The following GRK5 variants were observed in gnomAD, a reference collection of about 807,000 sequenced individuals.
GRK5 encodes the protein g protein-coupled receptor kinase GRK5.
In GRK5, 40 loss-of-function variants were observed where a neutral mutation model predicts 78.4. The ratio of observed to expected loss-of-function variants is 0.51; its 90% confidence interval spans 0.40 to 0.66. The LOEUF is 0.66. GRK5 is among the 30% of genes least tolerant of loss of function. The probability of loss-of-function intolerance (pLI) is 0.00; values close to 1 mark genes in which losing one functional copy is unlikely to be tolerated. For missense variants in GRK5, 598 were observed against 759.9 expected (o/e 0.79, Z 2.50); for synonymous variants, 289 against 296.8 (o/e 0.97, Z 0.27).
At chr10:119,436,425 G>C (rs908595767) in intron 8 of GRK5, among the ~76,000 whole-genome samples, 4 of 152,240 alleles carry the variant, frequency 2.6e-5, no homozygotes, top group African/African-American at 7.2e-5. Flanking sequence ...GCCCTAACCC[G>C]CCTTGGCCTT....
chr10:119,297,082 G>A (rs1000936306), intron 1 of GRK5, among the ~76,000 whole-genome samples: 5 of 152,244 alleles, frequency 3.3e-5, no homozygotes, highest in Non-Finnish European at 5.9e-5. Context: ...GGGATTTGGT[G>A]TCATTAAGGG....
Position 119,343,768 on chromosome 10 carries a change from A to G in GRK5, c.148+17157A>G, listed in dbSNP as rs185725931. 7.2e-5 allele frequency among the ~76,000 whole-genome samples: 11 copies of G among 152,328 alleles called. No homozygotes were observed. In the East Asian group the frequency reaches 7.7e-4, roughly 11 times the overall value. ...CCCGCAGATAGTAGGGATCCATTGA[A>G]TGTTCATCTCTGATAGCCGCTGTCT... On this transcript the variant is annotated intron_variant, in intron 2 of 15. Transcript: ENST00000392870.
At chr10:119,427,356 G>C (rs1400873589) in intron 6 of GRK5, among the ~76,000 whole-genome samples, 1 of 128,252 alleles carries the variant, frequency 7.8e-6, no homozygotes, top group African/African-American at 2.9e-5. Flanking sequence ...ACCATCATCA[G>C]CATCATCACC....
At chr10:119,214,813 G>A (rs1006426623) in intron 1 of GRK5, among the ~76,000 whole-genome samples, 3 of 152,312 alleles carry the variant, frequency 2.0e-5, no homozygotes, top group Admixed American at 2.0e-4. Context: ...GAGCCACCAC[G>A]CCCGGCCAAC....
chr10:119,445,147 C>T lies in GRK5; in HGVS notation c.1266+1395C>T, dbSNP rs1279205737. ...GCCTCAGAGAAAGCCACATGGTCATCGCAGCCAGGGCTAGGGTGGGGGGAC... is the reference window on the plus strand; with the variant it reads ...GCCTCAGAGAAAGCCACATGGTCATTGCAGCCAGGGCTAGGGTGGGGGGAC... On this transcript the variant is annotated intron_variant, in intron 12 of 15. Coordinates refer to ENST00000392870, the MANE Select transcript of GRK5 (RefSeq NM_005308.3). The surrounding 1 kb of genome is among the most constrained non-coding windows in gnomAD (Gnocchi z 4.1). Among the ~76,000 whole-genome samples the T allele has an allele frequency of 2.6e-5, 4 of 152,150 alleles. No individual in the cohort carries two copies. The highest frequency in any genetic ancestry group is 7.2e-5 in the African/African-American group (3 of 41,430).
At chr10:119,429,363 A>G (rs1261996826) in intron 6 of GRK5, among the ~76,000 whole-genome samples, 1 of 956 alleles carries the variant, frequency 1.0e-3, no homozygotes, top group Non-Finnish European at 0.021. Context: ...TCTTTGGCCC[A>G]GTTCTGCTCG....
chr10:119,356,674 C>T (rs1851266782), intron 2 of GRK5, among the ~76,000 whole-genome samples: 1 of 152,124 alleles, frequency 6.6e-6, no homozygotes, highest in African/African-American at 2.4e-5. Context: ...CATGTGTGCC[C>T]CAGAACCATC....
intron 3 of GRK5, among the ~76,000 whole-genome samples, chr10:119,391,462 T>C (rs1851886849): frequency 6.6e-6 from 1 of 152,198 alleles, no homozygotes; most frequent in African/African-American, 2.4e-5. Context: ...AGGAGTTTAA[T>C]GAGGGCCTAT....
Position 119,267,864 on chromosome 10 carries a change from C to T in GRK5, c.53-58652C>T, listed in dbSNP as rs1248089902. Among the ~76,000 whole-genome samples the T allele has an allele frequency of 6.6e-6, 1 of 152,172 alleles. No homozygotes were observed. Among genetic ancestry groups the T allele is most frequent in the African/African-American group, 2.4e-5 (1 of 41,432 alleles). On this transcript the variant is annotated intron_variant, in intron 1 of 15. Coordinates refer to ENST00000392870, the MANE Select transcript of GRK5 (RefSeq NM_005308.3). The surrounding 1 kb of genome is among the most constrained non-coding windows in gnomAD (Gnocchi z 4.1). ...CCCAGCTCCTCCACACTCCCCACCC[C>T]CCACAGCCCAGCCAGGTCCAAAACC... is the stretch of plus-strand genomic sequence containing the variant.
At chr10:119,327,981 C>A (rs1275920012) in intron 2 of GRK5, among the ~76,000 whole-genome samples, 2 of 152,214 alleles carry the variant, frequency 1.3e-5, no homozygotes, top group African/African-American at 2.4e-5. Flanking sequence ...CTCTGCTGGC[C>A]ACATGACAAG....
intron 12 of GRK5, among the ~76,000 whole-genome samples, chr10:119,446,411 C>T (rs1393270998): frequency 2.6e-5 from 4 of 152,246 alleles, no homozygotes; most frequent in African/African-American, 9.6e-5. Context: ...GCCCCAGGCC[C>T]TGGCTGCCGT....
intron 10 of GRK5, 129 bp from the exon 11 acceptor site, chr10:119,441,870 T>C: frequency 2.9e-6 from 2 of 683,782 alleles, no homozygotes; most frequent in South Asian, 1.7e-5. Flanking sequence ...AGATGGCAGA[T>C]TGGGGTCCCT....
At chr10:119,359,462 C>A (rs541132080) in intron 2 of GRK5, among the ~76,000 whole-genome samples, 1 of 152,124 alleles carries the variant, frequency 6.6e-6, no homozygotes, top group Non-Finnish European at 1.5e-5. Flanking sequence ...CCAGGTCATT[C>A]GTGTGGAAGG....
In GRK5 at chr10:119,395,890, C is replaced by G. The variant is rs909782826; in HGVS notation, c.262-805C>G. On this transcript the variant is annotated intron_variant, in intron 3 of 15. Transcript: ENST00000392870. ...CAAGTCCCTTCCCACCGCCGGCCCTCGGGATCTCCACCTACAGACGAGGGG... is the reference window on the plus strand; with the variant it reads ...CAAGTCCCTTCCCACCGCCGGCCCTGGGGATCTCCACCTACAGACGAGGGG... Among the ~76,000 whole-genome samples the G allele has an allele frequency of 3.9e-5, 6 of 152,146 alleles. No homozygotes were observed. In the South Asian group the frequency reaches 1.2e-3, roughly 32 times the overall value.
chr10:119,226,832 G>T (rs980725119), intron 1 of GRK5, among the ~76,000 whole-genome samples: 1 of 151,664 alleles, frequency 6.6e-6, no homozygotes, highest in African/African-American at 2.4e-5. Context: ...AAAGTGCTGG[G>T]ATTACAGGTA....
intron 1 of GRK5, among the ~76,000 whole-genome samples, chr10:119,325,025 A>T (rs1038777523): frequency 6.6e-6 from 1 of 152,166 alleles, no homozygotes; most frequent in Non-Finnish European, 1.5e-5. Flanking sequence ...ATGCAATGAG[A>T]GGAGAGGAGA....
chr10:119,436,051 C>T (rs1213560018), intron 8 of GRK5, among the ~76,000 whole-genome samples: 1 of 152,178 alleles, frequency 6.6e-6, no homozygotes, highest in Non-Finnish European at 1.5e-5. Flanking sequence ...AGAAACTGCC[C>T]CCATGAGTCA....
intron 13 of GRK5, among the ~76,000 whole-genome samples, chr10:119,451,462 C>T (rs1303347791): frequency 6.6e-6 from 1 of 152,244 alleles, no homozygotes; most frequent in African/African-American, 2.4e-5. Flanking sequence ...ACACCTGGCT[C>T]AGTGCCCTCT....
intron 1 of GRK5, among the ~76,000 whole-genome samples, chr10:119,244,247 T>A (rs1178204526): frequency 6.6e-6 from 1 of 152,278 alleles, no homozygotes; most frequent in African/African-American, 2.4e-5. Flanking sequence ...ATCCCCTTGA[T>A]ATAAACATGA....
Sources: allele counts gnomAD v4.1 joint callset (sites outside exome capture counted in the v4.1 genomes callset), GRCh38; gene constraint gnomAD v4.1.1; non-coding constraint Gnocchi (gnomAD v3.1); transcripts MANE v1.5; gene names NCBI Gene and HGNC (gene_info 2026-07-23, HGNC 2026-07-21).